SARDH: variants seen among roughly 807,000 people sequenced by gnomAD.
The protein encoded by SARDH is sarcosine dehydrogenase, mitochondrial.
SARDH carries 95 observed loss-of-function variants against 109.1 expected under a neutral mutation model. The observed-to-expected ratio is 0.87, with a 90% CI of 0.74 to 1.03. The LOEUF is 1.03. Among genes scored for constraint, SARDH ranks in the 50% least tolerant of loss-of-function variants. The probability of loss-of-function intolerance (pLI) is 0.00; values close to 1 mark genes in which losing one functional copy is unlikely to be tolerated. For missense variants in SARDH, 1,267 were observed against 1,287.8 expected (o/e 0.98, Z 0.25); for synonymous variants, 572 against 534.8 (o/e 1.07, Z -0.96).
At chr9:133,710,517 T>C (rs1332309549) in intron 10 of SARDH, among the ~76,000 whole-genome samples, 1 of 152,220 alleles carries the variant, frequency 6.6e-6, no homozygotes, top group African/African-American at 2.4e-5. Flanking sequence ...ATGTGTATGA[T>C]GAAGGACGAC....
intron 12 of SARDH, among the ~76,000 whole-genome samples, chr9:133,703,957 G>T (rs553154792): frequency 6.6e-6 from 1 of 152,266 alleles, no homozygotes; most frequent in East Asian, 1.9e-4. Context: ...TTGGGACCTG[G>T]GGTGTGTTCC....
rs1831615007 is a variant in SARDH, at chr9:133,704,528, T to C, written c.1554+420A>G. On this transcript the variant is annotated intron_variant, in intron 12 of 20. Transcript: ENST00000439388. The surrounding 1 kb of genome is among the most constrained non-coding windows in gnomAD (Gnocchi z 4.5). ...ACCCTGGGTGCATCAACCTGCCCAG[T>C]GCCTGCCCTCCTACGGACATAAACC... Among the ~76,000 whole-genome samples, 1 of 152,142 alleles carries C rather than the reference T, an allele frequency of 6.6e-6. No individual in the cohort carries two copies. Among genetic ancestry groups the C allele is most frequent in the Non-Finnish European group, 1.5e-5 (1 of 68,018 alleles).
chr9:133,732,051 T>G (rs1048471746), intron 3 of SARDH, among the ~76,000 whole-genome samples: 1 of 152,176 alleles, frequency 6.6e-6, no homozygotes, highest in African/African-American at 2.4e-5. Context: ...CTGGGAATTC[T>G]GAATGAAGCC....
At position 133,670,623 on chromosome 9, in the gene SARDH, G is replaced by C; in HGVS notation, c.2456C>G (p.Ala819Gly). The change falls in exon 19 of 21, where the codon GCA (alanine) becomes GGA (glycine). Residue 819 changes from alanine to glycine, a missense_variant. By Grantham distance (60) the Ala-to-Gly change is moderately conservative (BLOSUM62 0). Transcript: ENST00000439388. ...GREALEQQRAAGLRRRLVCFT... is the reference protein window; with the variant it reads ...GREALEQQRAGGLRRRLVCFT... The stretch of plus-strand genomic sequence containing the variant: ...GCACACCAGGCGCCGGCGGAGGCCT[G>C]CGGCCCGCTGCTGCTCCAGGGCCTC... The C allele has an allele frequency of 6.3e-7, 1 of 1,579,550 alleles. No individual in the cohort carries two copies. The highest frequency in any genetic ancestry group is 8.6e-7 in the Non-Finnish European group (1 of 1,163,208).
chr9:133,707,777 C>T (rs1831747701), intron 11 of SARDH, among the ~76,000 whole-genome samples: 1 of 152,114 alleles, frequency 6.6e-6, no homozygotes, highest in African/African-American at 2.4e-5. Flanking sequence ...TTTGGGGGAC[C>T]AGGGGAGGGC....
Position 133,696,224 on chromosome 9 carries a change from TG to T in SARDH, c.1805del (p.Pro602GlnfsTer20). ...WLFSADVSRP[P>X]GSTVYTCMLN... ...GCCCCCCAACCTCAGGCTCCATACCTGGGGGTCGGCTGACATCTGCGGAGAA... is the reference window on the plus strand; with the variant it reads ...GCCCCCCAACCTCAGGCTCCATACCTGGGGTCGGCTGACATCTGCGGAGAA... On this transcript the variant is annotated frameshift_variant and splice_region_variant, in exon 14 of 21. Transcript: ENST00000439388. LOFTEE classifies it high-confidence loss of function. The T allele has an allele frequency of 6.2e-7, 1 of 1,613,796 alleles. No individual in the cohort carries two copies.
chr9:133,698,585 A>T (rs1588418427), intron 13 of SARDH, among the ~76,000 whole-genome samples: 1 of 152,254 alleles, frequency 6.6e-6, no homozygotes, highest in Non-Finnish European at 1.5e-5. Flanking sequence ...AGACCTATAG[A>T]TCAACGGAAT....
At chr9:133,680,380 C>T (rs960986912) in intron 17 of SARDH, among the ~76,000 whole-genome samples, 1 of 152,212 alleles carries the variant, frequency 6.6e-6, no homozygotes, top group Non-Finnish European at 1.5e-5. Context: ...AGGCCCCCTA[C>T]AGGGGGAGCT....
intron 7 of SARDH, among the ~76,000 whole-genome samples, 180 bp from the exon 8 acceptor site, chr9:133,717,635 G>C (rs964980646): frequency 6.6e-6 from 1 of 151,544 alleles, no homozygotes; most frequent in African/African-American, 2.4e-5. Context: ...CCATCAGCAA[G>C]GTCTGTCTGC....
intron 13 of SARDH, among the ~76,000 whole-genome samples, chr9:133,699,516 T>C (rs1285815028): frequency 6.6e-6 from 1 of 151,860 alleles, no homozygotes; most frequent in Non-Finnish European, 1.5e-5. Context: ...CAAATAATAA[T>C]AATAATAATA....
In SARDH at chr9:133,677,424, G is replaced by A. The variant is rs575796744; in HGVS notation, c.2164-5727C>T. Among the ~76,000 whole-genome samples the A allele has an allele frequency of 2.6e-5, 4 of 152,244 alleles. No individual in the cohort carries two copies. In the South Asian group the frequency reaches 8.3e-4, roughly 32 times the overall value. On this transcript the variant is annotated intron_variant, in intron 17 of 20. Coordinates refer to ENST00000439388, the MANE Select transcript of SARDH (RefSeq NM_001134707.2). ...CTCACCTGGGTGCAGCTTGAGGGTC[G>A]GACCAGAGCAGATACCTGGCCAGGT...
At chr9:133,732,258 C>A (rs1487336132) in intron 3 of SARDH, among the ~76,000 whole-genome samples, 165 bp downstream of exon 3, 1 of 151,090 alleles carries the variant, frequency 6.6e-6, no homozygotes, top group African/African-American at 2.4e-5. Flanking sequence ...CACCCCAGCC[C>A]CCCGCAGGGG....
rs1054243963 is a variant in SARDH, at chr9:133,718,167, G to A, written c.1021-712C>T. 1.3e-5 allele frequency among the ~76,000 whole-genome samples: 2 copies of A among 152,240 alleles called. No individual in the cohort carries two copies. Among genetic ancestry groups the A allele is most frequent in the African/African-American group, 4.8e-5 (2 of 41,556 alleles). ...GCTCACTGCCACCTCCATCTCCCGG[G>A]TTCAAGTGATTCTCCTGCCTCAGCC... On this transcript the variant is annotated intron_variant, in intron 7 of 20. Coordinates refer to ENST00000439388, the MANE Select transcript of SARDH (RefSeq NM_001134707.2). This position sits in a 1 kb window ranked among gnomAD's most constrained non-coding sequence, Gnocchi z 4.2.
In SARDH at chr9:133,709,277, C is replaced by T. The variant is rs1164297465; in HGVS notation, c.1329-849G>A. 2.6e-5 allele frequency among the ~76,000 whole-genome samples: 4 copies of T among 151,744 alleles called. No homozygotes were observed. The Admixed American group carries it at 2.6e-4, about 10-fold the overall frequency. ...CCTGCGGCCTAGGCCTCTGCTGCCC[C>T]TGAGTGGGCAGAGCAATCAGTGCCC... On this transcript the variant is annotated intron_variant, in intron 10 of 20. Transcript: ENST00000439388. The surrounding 1 kb of genome is among the most constrained non-coding windows in gnomAD (Gnocchi z 4.2).
Position 133,704,983 on chromosome 9 carries a change from G to T in SARDH, c.1519C>A (p.Arg507=). The T allele has an allele frequency of 6.3e-7, 1 of 1,587,008 alleles. No homozygotes were observed. Among genetic ancestry groups the T allele is most frequent in the South Asian group, 1.2e-5 (1 of 86,586 alleles). The part of the protein sequence containing the change: ...CVFQERHGWE[R]PGWFHPRGPA... ...CCTCGGGGATGAAACCATCCCGGTC[G>T]CTCCCAGCCATGCCGCTCCTGGAAC... Residue 507 remains arginine, a synonymous_variant, in exon 12 of 21, where the codon CGA becomes AGA. Coordinates refer to ENST00000439388, the MANE Select transcript of SARDH (RefSeq NM_001134707.2). The surrounding 1 kb of genome is among the most constrained non-coding windows in gnomAD (Gnocchi z 4.5).
chr9:133,700,758 C>A (rs1335432144), intron 13 of SARDH, among the ~76,000 whole-genome samples: 1 of 150,756 alleles, frequency 6.6e-6, no homozygotes, highest in African/African-American at 2.4e-5. Flanking sequence ...CACACATAAA[C>A]AACATCACTC....
At chr9:133,729,963 C>T in intron 5 of SARDH, 98 bp from the exon 6 acceptor site, 1 of 1,590,010 alleles carries the variant, frequency 6.3e-7, no homozygotes, top group Non-Finnish European at 8.6e-7. Flanking sequence ...TCTGCCCTAG[C>T]AGGGGCTCCC....
chr9:133,670,430 T>C (rs1394034723), intron 19 of SARDH, among the ~76,000 whole-genome samples, 154 bp downstream of exon 19: 7 of 152,102 alleles, frequency 4.6e-5, no homozygotes, highest in Non-Finnish European at 4.4e-5. Flanking sequence ...GATTTCCTTA[T>C]CTGCAGTGGG....
chr9:133,665,893 G>C (rs955586996), intron 20 of SARDH, among the ~76,000 whole-genome samples: 1 of 152,196 alleles, frequency 6.6e-6, no homozygotes, highest in Admixed American at 6.5e-5. Flanking sequence ...AGCACCTCCC[G>C]GCCTCACTTA....
Sources: allele counts gnomAD v4.1 joint callset (sites outside exome capture counted in the v4.1 genomes callset), GRCh38; gene constraint gnomAD v4.1.1; non-coding constraint Gnocchi (gnomAD v3.1); transcripts MANE v1.5; gene names NCBI Gene and HGNC (gene_info 2026-07-23, HGNC 2026-07-21).